Variants in ZMYM4 observed in about 807,000 individuals in gnomAD.
ZMYM4 encodes zinc finger MYM-type containing 4.
Under a neutral mutation model 183.2 loss-of-function variants are expected in ZMYM4, and 31 were observed. That is an observed-to-expected ratio of 0.17 (90% confidence interval 0.13 to 0.23). The LOEUF (loss-of-function observed/expected upper bound fraction) is 0.23. Among genes scored for constraint, ZMYM4 ranks in the 10% least tolerant of loss-of-function variants. The probability of loss-of-function intolerance (pLI) is 1.00; values close to 1 mark genes in which losing one functional copy is unlikely to be tolerated. For synonymous variants in ZMYM4, 592 were observed against 631.2 expected, an observed-to-expected ratio of 0.94 and a Z score of 0.93; for missense variants, 1,273 against 1,840.3, an observed-to-expected ratio of 0.69 and a Z score of 5.64.
At chr1:35,366,016 A>C (rs1016888039) in intron 5 of ZMYM4, 1 of 152,210 alleles carries the variant, frequency 6.6e-6, no homozygotes, top group Non-Finnish European at 1.5e-5. Flanking sequence ...CACAGAGACT[A>C]AGAGAGCTGA....
At chr1:35,376,760 A>G (rs1465937490) in intron 7 of ZMYM4, among the ~76,000 whole-genome samples, 2 of 152,078 alleles carry the variant, frequency 1.3e-5, no homozygotes, top group Non-Finnish European at 2.9e-5. Flanking sequence ...TCTTGACCTC[A>G]GGTGATCTGC....
intron 7 of ZMYM4, among the ~76,000 whole-genome samples, chr1:35,379,291 G>C (rs1644400230): frequency 1.3e-5 from 2 of 152,176 alleles, no homozygotes; most frequent in Non-Finnish European, 2.9e-5. Context: ...AATAGAGATG[G>C]GATTTCACCA....
chr1:35,278,980 G>A (rs1376487647), intron 1 of ZMYM4, among the ~76,000 whole-genome samples: 4 of 152,120 alleles, frequency 2.6e-5, no homozygotes, highest in African/African-American at 7.2e-5. Context: ...AAGGATCTCC[G>A]GTTTCAAGCA....
chr1:35,415,753 T>C, intron 28 of ZMYM4, 39 bp downstream of exon 28: 4 of 1,598,050 alleles, frequency 2.5e-6, no homozygotes, highest in Non-Finnish European at 3.4e-6. Context: ...TTTGAAGTCT[T>C]AGTAGTAGTA....
chr1:35,275,161 A>G (rs907158787), intron 1 of ZMYM4, among the ~76,000 whole-genome samples: 1 of 152,194 alleles, frequency 6.6e-6, no homozygotes, highest in African/African-American at 2.4e-5. Flanking sequence ...TTTTTAGAAA[A>G]TATACACTAA....
intron 4 of ZMYM4, 35 bp from the exon 5 acceptor site, chr1:35,361,584 C>A: frequency 6.3e-7 from 1 of 1,580,356 alleles, no homozygotes; most frequent in Non-Finnish European, 8.6e-7. Context: ...ATTTTAAAAT[C>A]TGAATATTTA....
chr1:35,339,010 A>G (rs1175388967), intron 2 of ZMYM4, among the ~76,000 whole-genome samples: 1 of 152,168 alleles, frequency 6.6e-6, no homozygotes, highest in African/African-American at 2.4e-5. Context: ...TTTAACCCCC[A>G]TTTTATTTAG....
intron 2 of ZMYM4, among the ~76,000 whole-genome samples, chr1:35,334,998 A>T (rs1449114416): frequency 2.0e-5 from 3 of 152,234 alleles, no homozygotes; most frequent in Non-Finnish European, 2.9e-5. Context: ...GATATATTTT[A>T]TGAAAACGCT....
At chr1:35,405,792 C>G (rs187802769) in intron 25 of ZMYM4, among the ~76,000 whole-genome samples, 1 of 148,936 alleles carries the variant, frequency 6.7e-6, no homozygotes, top group East Asian at 2.0e-4. Flanking sequence ...AGAAAAATAC[C>G]TGGAAAAGCC....
chr1:35,280,295 C>T (rs1353012818), intron 1 of ZMYM4, among the ~76,000 whole-genome samples: 1 of 146,008 alleles, frequency 6.8e-6, no homozygotes, highest in Non-Finnish European at 1.5e-5. Context: ...TCTCTCTCTT[C>T]TTTCTTTGTT....
rs552790731 is a variant in ZMYM4, at chr1:35,320,357, A to G, written c.40-5003A>G. ...GAAAACTTCCGGATTGCTGAACCAC[A>G]CAGAGGTGCTGGAAAGGTGGCATGC... On this transcript the variant is annotated intron_variant, in intron 1 of 29. Transcript: ENST00000314607. Among the ~76,000 whole-genome samples the G allele has an allele frequency of 2.0e-4, 31 of 152,322 alleles. No individual in the cohort carries two copies. In the South Asian group the frequency reaches 6.2e-3, roughly 31 times the overall value.
intron 3 of ZMYM4, among the ~76,000 whole-genome samples, chr1:35,359,701 G>A (rs893010992): frequency 1.3e-5 from 2 of 152,018 alleles, no homozygotes; most frequent in African/African-American, 4.8e-5. Context: ...GATGAGAAAG[G>A]CAAGATACTT....
In ZMYM4 at chr1:35,419,950, G is replaced by T; in HGVS notation, c.*273G>T. 2.5e-6 allele frequency: 1 copy of T among 399,546 alleles called. No individual in the cohort carries two copies. The highest frequency in any genetic ancestry group is 2.0e-5 in the African/African-American group (1 of 49,766). The allele number at this position is 399,546 out of a possible 1,614,324, so 24.8% of individuals were successfully genotyped here. On this transcript the variant is annotated 3_prime_UTR_variant, in exon 30 of 30. Coordinates refer to ENST00000314607, the MANE Select transcript of ZMYM4 (RefSeq NM_005095.3). ...AGTGGTGCATAATCTTATTTTGTTT[G>T]GGAGTAACAAATCGTGGAATATTTT...
chr1:35,371,762 A>G (rs537740383), intron 7 of ZMYM4, among the ~76,000 whole-genome samples: 1 of 152,326 alleles, frequency 6.6e-6, no homozygotes, highest in South Asian at 2.1e-4. Context: ...GAGATGTTTA[A>G]AAGAAATTTA....
chr1:35,367,102 G>A (rs1644101424), intron 5 of ZMYM4, among the ~76,000 whole-genome samples: 1 of 151,768 alleles, frequency 6.6e-6, no homozygotes, highest in Non-Finnish European at 1.5e-5. Context: ...ATGAAGTTTT[G>A]TAGAAGAATA....
intron 1 of ZMYM4, among the ~76,000 whole-genome samples, chr1:35,274,319 T>C (rs1639760857): frequency 6.6e-6 from 1 of 152,130 alleles, no homozygotes; most frequent in African/African-American, 2.4e-5. Flanking sequence ...ATAATAATAC[T>C]TGTGGCTGGG....
intron 1 of ZMYM4, among the ~76,000 whole-genome samples, chr1:35,307,724 C>CT (rs895308404): frequency 6.6e-6 from 1 of 151,314 alleles, no homozygotes; most frequent in Non-Finnish European, 1.5e-5. Flanking sequence ...TTAGTAGAGA[C>CT]AGGGTTTCAC....
chr1:35,274,177 A>C (rs561864571), intron 1 of ZMYM4, among the ~76,000 whole-genome samples: 6 of 152,322 alleles, frequency 3.9e-5, no homozygotes, highest in Admixed American at 3.3e-4. Flanking sequence ...ATATGTATGC[A>C]ATGTGAATAA....
At chr1:35,418,890 G>A (rs1269442525) in intron 29 of ZMYM4, among the ~76,000 whole-genome samples, 1 of 152,108 alleles carries the variant, frequency 6.6e-6, no homozygotes, top group Non-Finnish European at 1.5e-5. Flanking sequence ...ATTTTGTTTT[G>A]CTAAAGCTAT....
Sources: allele counts gnomAD v4.1 joint callset (sites outside exome capture counted in the v4.1 genomes callset), GRCh38; gene constraint gnomAD v4.1.1; transcripts MANE v1.5; gene names NCBI Gene and HGNC (gene_info 2026-07-23, HGNC 2026-07-21).